Variants in MRPS5 observed in about 807,000 individuals in gnomAD.
MRPS5 encodes mitochondrial ribosomal protein S5, also known as small ribosomal subunit protein uS5m.
MRPS5 carries 27 observed loss-of-function variants against 51.9 expected under a neutral mutation model. The observed-to-expected ratio is 0.52, with a 90% CI of 0.38 to 0.72. The LOEUF (loss-of-function observed/expected upper bound fraction) is 0.72. Ranked by LOEUF, MRPS5 falls within the 30% of genes least tolerant of loss-of-function variation. The pLI is 0.00. For synonymous variants in MRPS5, 196 were observed against 193.2 expected (o/e 1.01, Z -0.12); for missense variants, 570 against 545.7 (o/e 1.04, Z -0.44).
chr2:95,121,604 T>C (rs1676452818), intron 1 of MRPS5, 130 bp downstream of exon 1: 5 of 1,012,142 alleles, frequency 4.9e-6, no homozygotes, highest in Non-Finnish European at 6.9e-6. Flanking sequence ...CGGCGGAAGG[T>C]GGGGGCACGG....
chr2:95,088,840 G>A (rs1021875208), intron 11 of MRPS5, among the ~76,000 whole-genome samples: 2 of 152,216 alleles, frequency 1.3e-5, no homozygotes, highest in Non-Finnish European at 2.9e-5. Flanking sequence ...AGGCCAAGGC[G>A]GGTGGATCAC....
intron 6 of MRPS5, 122 bp from the exon 7 acceptor site, chr2:95,104,852 C>T (rs1013555728): frequency 2.7e-6 from 2 of 735,238 alleles, no homozygotes; most frequent in African/African-American, 3.5e-5. Flanking sequence ...ACAGGCACAC[C>T]ATCCTCCAAC....
chr2:95,104,394 T>G (rs1675888788), intron 7 of MRPS5: 1 of 517,982 alleles, frequency 1.9e-6, no homozygotes, highest in African/African-American at 1.9e-5. Flanking sequence ...TAAAATAATG[T>G]CTTCAGCCTT....
chr2:95,094,642 T>C (rs577174047), intron 10 of MRPS5, among the ~76,000 whole-genome samples: 1 of 152,232 alleles, frequency 6.6e-6, no homozygotes, highest in South Asian at 2.1e-4. Context: ...GCTTCATAAG[T>C]GAAGGAGAAA....
intron 1 of MRPS5, among the ~76,000 whole-genome samples, chr2:95,120,559 G>A (rs1676411474): frequency 6.6e-6 from 1 of 152,114 alleles, no homozygotes; most frequent in South Asian, 2.1e-4. Context: ...CACTTTAAAC[G>A]GATTAATTGT....
chr2:95,102,416 C>T (rs1441648258), intron 7 of MRPS5, among the ~76,000 whole-genome samples: 1 of 152,186 alleles, frequency 6.6e-6, no homozygotes. Flanking sequence ...ATAATCCCAG[C>T]ACTTTGGGAG....
intron 1 of MRPS5, among the ~76,000 whole-genome samples, chr2:95,121,296 T>C (rs1237278192): frequency 2.0e-5 from 3 of 152,138 alleles, no homozygotes; most frequent in African/African-American, 7.2e-5. Flanking sequence ...AAACGGTGGA[T>C]TGTGGACTTC....
In MRPS5 at chr2:95,085,526, C is replaced by T. The variant is rs62148043; in HGVS notation, c.*1831G>A. ...AAATACCACACACAAAAAAAGGGGA[C>T]CCACCCACACCAGACAACGTCACAG... is the stretch of plus-strand genomic sequence containing the variant. On this transcript the variant is annotated 3_prime_UTR_variant, in exon 12 of 12. Coordinates refer to ENST00000272418, the MANE Select transcript of MRPS5 (RefSeq NM_031902.5). Among the ~76,000 whole-genome samples the T allele has an allele frequency of 6.6e-6, 1 of 152,100 alleles. No individual in the cohort carries two copies.
chr2:95,121,761 G>T lies in MRPS5; in HGVS notation c.31C>A (p.Leu11Ile). 1 of 1,554,424 alleles carries T rather than the reference G, an allele frequency of 6.4e-7. No individual in the cohort carries two copies. The highest frequency in any genetic ancestry group is 8.6e-7 in the Non-Finnish European group (1 of 1,159,484). ...GCCGTCCCGCTACACAGCACGGGGA[G>T]GCAGCCCACAGCGCGCACCGCGGTC... MATAVRAVGC[L>I]PVLCSGTAGH... The change falls in exon 1 of 12, where the codon CTC becomes ATC. Residue 11 changes from leucine to isoleucine, a missense_variant. Physicochemically the swap from Leu to Ile is conservative, Grantham distance 5. Transcript: ENST00000272418.
chr2:95,110,856 T>C (rs560268205), intron 3 of MRPS5, among the ~76,000 whole-genome samples: 3 of 152,296 alleles, frequency 2.0e-5, no homozygotes, highest in African/African-American at 7.2e-5. Context: ...CAAAATGTTA[T>C]AACAGTAAAA....
In MRPS5 at chr2:95,108,405, C is replaced by T. The variant is rs372157685; in HGVS notation, c.407G>A (p.Arg136His). Reference protein sequence around the residue: ...LNRGQIIGEGRYGFLWPGLNV... With the variant: ...LNRGQIIGEGHYGFLWPGLNV... ...CAGTCCGGGCCATAGAAAACCATAA[C>T]GCCCTGAAGGTTTAAAAATATAAAT... The change falls in exon 5 of 12, where the codon CGT (arginine) becomes CAT (histidine). Residue 136 changes from arginine (R) to histidine (H), a missense_variant. Transcript: ENST00000272418. 68 of 1,611,062 alleles carry T rather than the reference C, an allele frequency of 4.2e-5. No homozygotes were observed. Among genetic ancestry groups the T allele is most frequent in the East Asian group, 4.0e-4 (18 of 44,884 alleles).
chr2:95,115,114 T>C lies in MRPS5; in HGVS notation c.229A>G (p.Ser77Gly), dbSNP rs200274600. 6.2e-6 allele frequency: 10 copies of C among 1,612,198 alleles called. No homozygotes were observed. The highest frequency in any genetic ancestry group is 8.5e-6 in the Non-Finnish European group (10 of 1,179,618). The change falls in exon 3 of 12, where the codon AGT becomes GGT. Residue 77 changes from serine to glycine, a missense_variant. Ser to Gly is a moderately conservative substitution (Grantham distance 56, BLOSUM62 0). Transcript: ENST00000272418. The part of the protein sequence containing the change: ...LQTQCCISSP[S>G]HLMSQQYRPY... ...CTATACTGCTGGCTCATCAGGTGACTGGGAGAAGAAATACAGCATTGTGTC... is the reference window on the plus strand; with the variant it reads ...CTATACTGCTGGCTCATCAGGTGACCGGGAGAAGAAATACAGCATTGTGTC...
chr2:95,111,629 C>T (rs949420573), intron 3 of MRPS5, among the ~76,000 whole-genome samples: 16 of 152,102 alleles, frequency 1.1e-4, no homozygotes, highest in Admixed American at 3.3e-4. Flanking sequence ...GTTTTTAATA[C>T]TTTTCAAATT....
chr2:95,093,929 A>G (rs545992853), intron 10 of MRPS5, among the ~76,000 whole-genome samples: 26 of 152,346 alleles, frequency 1.7e-4, no homozygotes, highest in African/African-American at 5.8e-4. Flanking sequence ...GTAATAACAA[A>G]CTTCTCCAAG....
intron 10 of MRPS5, among the ~76,000 whole-genome samples, chr2:95,096,534 A>T (rs1675632476): frequency 6.6e-6 from 1 of 152,244 alleles, no homozygotes. Flanking sequence ...CTGGTTCAAC[A>T]TATGCAAATC....
rs1359057914 is a variant in MRPS5 at position 95,087,527 on chromosome 2, C to A, written c.1123G>T (p.Glu375Ter). 6.2e-7 allele frequency: 1 copy of A among 1,614,174 alleles called. No homozygotes were observed. The highest frequency in any genetic ancestry group is 8.5e-7 in the Non-Finnish European group (1 of 1,180,030). Residue 375 changes from glutamate to a stop codon, truncating the protein, a stop_gained, in exon 12 of 12, where the codon GAG becomes TAG. Coordinates refer to ENST00000272418, the MANE Select transcript of MRPS5 (RefSeq NM_031902.5). LOFTEE classifies it high-confidence loss of function. Reference protein sequence around the residue: ...KKGLHVVEIREECGPLPIVVA... With the variant: ...KKGLHVVEIR ...ACAATGGGCAGAGGGCCACATTCCT[C>A]CCGGATTTCCACAACATGGAGGCCC...
rs1676244889 is a variant in MRPS5, at chr2:95,115,063, T to C, written c.277+3A>G. ...ACAGGAAGTTTGTGGCCATTCTACATACATTTAGTGAAGAAACTATATGGT... is the reference window on the plus strand; with the variant it reads ...ACAGGAAGTTTGTGGCCATTCTACACACATTTAGTGAAGAAACTATATGGT... On this transcript the variant is annotated splice_donor_region_variant and intron_variant, in intron 3 of 11. Transcript: ENST00000272418. The C allele has an allele frequency of 2.6e-6, 4 of 1,536,968 alleles. No individual in the cohort carries two copies. The highest frequency in any genetic ancestry group is 3.5e-6 in the Non-Finnish European group (4 of 1,145,558).
At chr2:95,120,840 G>C (rs1326881813) in intron 1 of MRPS5, among the ~76,000 whole-genome samples, 1 of 152,158 alleles carries the variant, frequency 6.6e-6, no homozygotes, top group African/African-American at 2.4e-5. Context: ...AGCAGGAGAC[G>C]GCCGGGCGTG....
intron 10 of MRPS5, 58 bp from the exon 11 acceptor site, chr2:95,090,580 C>A (rs985069568): frequency 6.2e-7 from 1 of 1,606,336 alleles, no homozygotes. Flanking sequence ...GGAGGAGTCA[C>A]CCTGCTGGCT....
Sources: allele counts gnomAD v4.1 joint callset (sites outside exome capture counted in the v4.1 genomes callset), GRCh38; gene constraint gnomAD v4.1.1; transcripts MANE v1.5; gene names NCBI Gene and HGNC (gene_info 2026-07-23, HGNC 2026-07-21).